The following POU3F3 variants were observed in gnomAD, a reference collection of about 807,000 sequenced individuals.
POU3F3 encodes the protein POU class 3 homeobox 3.
Under a neutral mutation model 8.6 loss-of-function variants are expected in POU3F3, and 1 was observed. That is an observed-to-expected ratio of 0.12 (90% CI 0.04 to 0.55). POU3F3 has a LOEUF of 0.55. POU3F3 is among the 20% of genes least tolerant of loss of function. POU3F3 has a pLI of 0.91. For missense variants in POU3F3, 577 were observed against 690.7 expected, an observed-to-expected ratio of 0.84 and a Z score of 1.84; for synonymous variants, 418 against 327.4, an observed-to-expected ratio of 1.28 and a Z score of -2.99.
chr2:104,858,002 C>T lies in POU3F3; in HGVS notation c.*989C>T, dbSNP rs1676610197. On this transcript the variant is annotated 3_prime_UTR_variant, in exon 1 of 1. Coordinates refer to ENST00000361360, the MANE Select transcript of POU3F3 (RefSeq NM_006236.3). Reference sequence around the variant, plus strand: ...CCGCCGAGCCAGGCCCGGCCGCGTACCCAGGCTTTGACGGCTGCCATTCAG... The same window carrying T: ...CCGCCGAGCCAGGCCCGGCCGCGTATCCAGGCTTTGACGGCTGCCATTCAG... The T allele has an allele frequency of 6.6e-6, 1 of 152,214 alleles. No homozygotes were observed. The highest frequency in any genetic ancestry group is 6.5e-5 in the Admixed American group (1 of 15,294). The allele number at this position is 152,214 out of a possible 1,614,324, so 9.4% of individuals were successfully genotyped here.
At chr2:104,868,158 C>T in the POU3F3 span, 1 of 438,540 alleles carries the variant, frequency 2.3e-6, no homozygotes, top group South Asian at 1.6e-5. Flanking sequence ...CCCACACCCC[C>T]ATGGGGTTCT....
the POU3F3 span, among the ~76,000 whole-genome samples, chr2:104,924,816 C>G: frequency 3.3e-5 from 5 of 152,278 alleles, no homozygotes; most frequent in Middle Eastern, 0.014. Context: ...ACACTATTCA[C>G]TAGTTCCATT....
At chr2:104,899,845 C>T in the POU3F3 span, among the ~76,000 whole-genome samples, 2 of 152,160 alleles carry the variant, frequency 1.3e-5, no homozygotes, top group African/African-American at 2.4e-5. Flanking sequence ...CCAACAGCAA[C>T]GGATGCCAAG....
chr2:104,855,467 CGGCGGCGGTGGT>C lies in POU3F3; in HGVS notation c.-32_-21del. On this transcript the variant is annotated 5_prime_UTR_variant, in exon 1 of 1. Transcript: ENST00000361360. ...GCGGCCGCGGCTGCTGCTGCGGCGG[CGGCGGCGGTGGT>C]GGCGGCGGTGGGGTGGCGGGAGCGG... 5.5e-6 allele frequency: 5 copies of C among 912,156 alleles called. No homozygotes were observed. The highest frequency in any genetic ancestry group is 5.1e-6 in the Non-Finnish European group (4 of 777,294). 56.5% of individuals were successfully genotyped at this position (912,156 alleles called of 1,614,324 possible).
chr2:104,860,288 G>A (rs1676638973), downstream of POU3F3, among the ~76,000 whole-genome samples: 1 of 152,090 alleles, frequency 6.6e-6, no homozygotes. Context: ...GCTAATGCTT[G>A]CACTCCATTT....
chr2:104,863,688 C>G, the POU3F3 span, among the ~76,000 whole-genome samples: 1 of 152,138 alleles, frequency 6.6e-6, no homozygotes, highest in Non-Finnish European at 1.5e-5. Context: ...GTGGCCCAGC[C>G]CACAGACCAG....
In POU3F3 at chr2:104,855,615, C is replaced by T. The variant is rs566074819; in HGVS notation, c.105C>T (p.Gly35=). 2.0e-5 allele frequency: 11 copies of T among 553,348 alleles called. No individual in the cohort carries two copies. The highest frequency in any genetic ancestry group is 2.3e-5 in the Non-Finnish European group (11 of 471,904). 34.3% of individuals were successfully genotyped at this position (553,348 alleles called of 1,614,324 possible). ...CAGGGGCTGGCGGCGGCGGGGGTGG[C>T]GGCGGCGGCGGCGGCGGGGGCGGCG... ...DAAGAGGGGG[G]GGGGGGGGAG... Residue 35 remains glycine, a synonymous_variant, in exon 1 of 1, where the codon GGC becomes GGT. Transcript: ENST00000361360.
the POU3F3 span, among the ~76,000 whole-genome samples, chr2:104,907,641 C>G: frequency 6.6e-6 from 1 of 152,234 alleles, no homozygotes; most frequent in East Asian, 1.9e-4. Flanking sequence ...GCTATCCATT[C>G]CTTTTGCTTT....
rs1358133843 is a variant in POU3F3 at position 104,856,982 on chromosome 2, C to T, written c.1472C>T (p.Pro491Leu). The stretch of plus-strand genomic sequence containing the variant: ...ACCGTGAGCGCCGACACGCCGCCGC[C>T]TCACCACGGGCTGCAGACGAGCGTT... ...VGTVSADTPP[P>L]HHGLQTSVQ is the part of the protein sequence containing the mutation. The change falls in exon 1 of 1, where the codon CCT becomes CTT. Residue 491 changes from proline (P) to leucine (L), a missense_variant. By Grantham distance (98) the Pro-to-Leu change is moderately conservative. This residue lies in a region of POU3F3 where 35 missense variants were observed against 50.3 expected (regional missense o/e 0.70). Transcript: ENST00000361360. 1.2e-6 allele frequency: 2 copies of T among 1,609,462 alleles called. No homozygotes were observed. Among genetic ancestry groups the T allele is most frequent in the Admixed American group, 1.7e-5 (1 of 59,660 alleles).
chr2:104,862,843 T>C (rs1295225041), downstream of POU3F3, among the ~76,000 whole-genome samples: 1 of 152,142 alleles, frequency 6.6e-6, no homozygotes, highest in Non-Finnish European at 1.5e-5. Flanking sequence ...GCAACCCGAC[T>C]TTGGATCACT....
At chr2:104,879,677 T>C in the POU3F3 span, among the ~76,000 whole-genome samples, 2 of 152,122 alleles carry the variant, frequency 1.3e-5, no homozygotes, top group African/African-American at 4.8e-5. Context: ...CCCTCCTTCC[T>C]TGCTGTGTGA....
the POU3F3 span, among the ~76,000 whole-genome samples, chr2:104,908,586 T>A: frequency 3.8e-3 from 574 of 152,322 alleles, 2 homozygotes; most frequent in Non-Finnish European, 6.0e-3. Context: ...GACCTCATGA[T>A]CCTCTATGAT....
the POU3F3 span, among the ~76,000 whole-genome samples, chr2:104,919,000 T>C: frequency 6.6e-6 from 1 of 151,578 alleles, no homozygotes; most frequent in Non-Finnish European, 1.5e-5. Flanking sequence ...GCCTCCCGAG[T>C]AGCTGGGATT....
At chr2:104,919,283 C>A in the POU3F3 span, among the ~76,000 whole-genome samples, 3 of 152,350 alleles carry the variant, frequency 2.0e-5, no homozygotes, top group East Asian at 5.8e-4. Flanking sequence ...AGGAACTTCC[C>A]TGCACATTGT....
At chr2:104,858,863 C>T (rs1015610365), downstream of POU3F3, among the ~76,000 whole-genome samples, 13 of 152,110 alleles carry the variant, frequency 8.5e-5, no homozygotes, top group African/African-American at 3.1e-4. Context: ...TAACCCTTTT[C>T]TTGGCGATAC....
At chr2:104,887,545 T>A in the POU3F3 span, among the ~76,000 whole-genome samples, 1 of 152,286 alleles carries the variant, frequency 6.6e-6, no homozygotes, top group Non-Finnish European at 1.5e-5. Context: ...TCTACCAGTG[T>A]GGGGTGATTT....
At chr2:104,882,517 G>A in the POU3F3 span, among the ~76,000 whole-genome samples, 2 of 152,118 alleles carry the variant, frequency 1.3e-5, no homozygotes, top group African/African-American at 4.8e-5. Context: ...TTCCGAAAGT[G>A]CTGGGATTAC....
the POU3F3 span, among the ~76,000 whole-genome samples, chr2:104,910,108 T>G: frequency 6.6e-6 from 1 of 152,194 alleles, no homozygotes; most frequent in African/African-American, 2.4e-5. Flanking sequence ...ACCAACAACT[T>G]GGCTTTGGTG....
At chr2:104,860,498 C>T (rs993242352), downstream of POU3F3, among the ~76,000 whole-genome samples, 7 of 152,150 alleles carry the variant, frequency 4.6e-5, no homozygotes, top group Non-Finnish European at 7.3e-5. Flanking sequence ...TCTTGTGCTT[C>T]GTAAAGTGCC....
Sources: gnomAD v4.1 joint callset for allele counts (sites outside exome capture counted in the v4.1 genomes callset) on GRCh38, gnomAD v4.1.1 for gene constraint, gnomAD v4.1.1 regional missense constraint, MANE v1.5 for transcripts, NCBI Gene and HGNC (gene_info 2026-07-23, HGNC 2026-07-21) for gene names.